The following PDE1C variants were observed in gnomAD, a reference collection of about 807,000 sequenced individuals.
PDE1C encodes the protein dual specificity calcium/calmodulin-dependent 3',5'-cyclic nucleotide phosphodiesterase 1C.
Under a neutral mutation model 93.1 loss-of-function variants are expected in PDE1C, and 62 were observed. The observed-to-expected ratio is 0.67, with a 90% CI of 0.54 to 0.82. PDE1C has a LOEUF of 0.82. Ranked by LOEUF, PDE1C falls within the 40% of genes least tolerant of loss-of-function variation. The probability of loss-of-function intolerance (pLI) is 0.00; values close to 1 mark genes in which losing one functional copy is unlikely to be tolerated. For synonymous variants in PDE1C, 325 were observed against 310.1 expected (o/e 1.05, Z -0.50); for missense variants, 742 against 884.6 (o/e 0.84, Z 2.04).
At chr7:32,103,096 A>G (rs1798116280) in intron 3 of PDE1C, among the ~76,000 whole-genome samples, 1 of 152,190 alleles carries the variant, frequency 6.6e-6, no homozygotes, top group African/African-American at 2.4e-5. Context: ...AATAACATCA[A>G]TTAAGTTCAG....
chr7:32,205,997 G>C (rs919765542), intron 2 of PDE1C, among the ~76,000 whole-genome samples: 1 of 152,186 alleles, frequency 6.6e-6, no homozygotes, highest in Non-Finnish European at 1.5e-5. Context: ...GCGAGACCAA[G>C]AACCCACCAG....
the PDE1C span, among the ~76,000 whole-genome samples, chr7:31,730,008 T>G: frequency 6.6e-6 from 1 of 152,178 alleles, no homozygotes. Context: ...CAAGTTACTC[T>G]ACCTCTCTTA....
intron 2 of PDE1C, among the ~76,000 whole-genome samples, chr7:31,893,292 TC>T (rs1443081012): frequency 1.3e-5 from 2 of 152,186 alleles, no homozygotes; most frequent in Non-Finnish European, 2.9e-5. Context: ...TCAATTTCCT[TC>T]CAACTATACA....
chr7:31,965,141 CAGA>C lies in PDE1C; in HGVS notation c.129-84284_129-84282del, dbSNP rs575418139. On this transcript the variant is annotated intron_variant, in intron 2 of 17. Coordinates refer to ENST00000396191, the MANE Select transcript of PDE1C (RefSeq NM_001191057.4). ...TTGACGAGTTGAGAGAAGAAGGCTT[CAGA>C]AGATCAAACTACTCCGAGCTAAAGG... is the stretch of plus-strand genomic sequence containing the variant. 3.1e-3 allele frequency among the ~76,000 whole-genome samples: 479 copies of C among 152,240 alleles called. 4 individuals carry two copies. Among genetic ancestry groups the C allele is most frequent in the African/African-American group, 0.011 (451 of 41,546 alleles).
At chr7:31,863,321 T>G (rs1198232612) in intron 7 of PDE1C, among the ~76,000 whole-genome samples, 2 of 152,328 alleles carry the variant, frequency 1.3e-5, no homozygotes, top group East Asian at 3.9e-4. Flanking sequence ...TTTTATTTGA[T>G]CTAAAAGGGC....
rs763801947 is a variant in PDE1C at position 32,128,906 on chromosome 7, AATATATATATATATATAT to A, written c.308+40861_308+40878del. Among the ~76,000 whole-genome samples the A allele has an allele frequency of 3.1e-3, 171 of 56,008 alleles. 1 individual carries two copies. Among genetic ancestry groups the A allele is most frequent in the East Asian group, 8.4e-3 (14 of 1,676 alleles). 36.7% of individuals were successfully genotyped at this position (56,008 alleles called of 152,430 possible). ...GTACCCTAGAACTTAAAGTATAACA[AATATATATATATATATAT>A]ATATATATATATATATATATATATA... is the stretch of plus-strand genomic sequence containing the variant. On this transcript the variant is annotated intron_variant, in intron 3 of 18. Coordinates refer to the PDE1C transcript ENST00000396193.
the PDE1C span, among the ~76,000 whole-genome samples, chr7:31,731,609 C>T: frequency 1.3e-5 from 2 of 152,182 alleles, no homozygotes; most frequent in Non-Finnish European, 2.9e-5. Context: ...AGGCTGGTCT[C>T]GAACTCCTGA....
intron 17 of PDE1C, among the ~76,000 whole-genome samples, chr7:31,758,647 GCT>G (rs1253868974): frequency 6.6e-6 from 1 of 152,136 alleles, no homozygotes; most frequent in African/African-American, 2.4e-5. Flanking sequence ...GCAGCAAATG[GCT>G]CTGTTGTTAC....
chr7:32,157,542 G>A (rs1164393976), intron 3 of PDE1C, among the ~76,000 whole-genome samples: 1 of 11,656 alleles, frequency 8.6e-5, no homozygotes, highest in African/African-American at 2.5e-4. Flanking sequence ...CCAGAGTGGA[G>A]CCAGCCAAAA....
At chr7:32,000,855 A>G (rs1186007822) in intron 2 of PDE1C, among the ~76,000 whole-genome samples, 1 of 152,166 alleles carries the variant, frequency 6.6e-6, no homozygotes, top group Admixed American at 6.5e-5. Flanking sequence ...TTTTGAATAT[A>G]TTTTTGCTTT....
chr7:31,976,680 T>C (rs960596356), intron 2 of PDE1C, among the ~76,000 whole-genome samples: 1 of 152,226 alleles, frequency 6.6e-6, no homozygotes, highest in Non-Finnish European at 1.5e-5. Flanking sequence ...ATATGGACAA[T>C]TCCAGCAGCT....
At chr7:31,875,482 C>A (rs1013910053) in intron 5 of PDE1C, among the ~76,000 whole-genome samples, 1 of 152,020 alleles carries the variant, frequency 6.6e-6, no homozygotes, top group Non-Finnish European at 1.5e-5. Context: ...TCCAGAGAAT[C>A]CTGCTGTGGG....
At chr7:32,006,068 C>A (rs1282284697) in intron 2 of PDE1C, among the ~76,000 whole-genome samples, 1 of 152,054 alleles carries the variant, frequency 6.6e-6, no homozygotes, top group East Asian at 1.9e-4. Context: ...AATAATAAGT[C>A]TATTGTTCCT....
intron 3 of PDE1C, 127 bp downstream of exon 3, chr7:31,880,620 A>G: frequency 1.6e-6 from 1 of 619,376 alleles, no homozygotes; most frequent in Admixed American, 2.9e-5. Context: ...TGTTTGTGGA[A>G]ACTAAAACTC....
chr7:32,179,658 A>C (rs1285804558), intron 2 of PDE1C, among the ~76,000 whole-genome samples: 1 of 152,214 alleles, frequency 6.6e-6, no homozygotes, highest in East Asian at 1.9e-4. Context: ...CAAGAAAGCA[A>C]GAAAATGAGA....
chr7:32,021,960 G>C (rs2128614609), intron 2 of PDE1C, among the ~76,000 whole-genome samples: 1 of 152,106 alleles, frequency 6.6e-6, no homozygotes, highest in East Asian at 1.9e-4. Flanking sequence ...TTCTGTCTTA[G>C]GATGTTCTTA....
intron 1 of PDE1C, among the ~76,000 whole-genome samples, chr7:32,418,117 G>C (rs1307292358): frequency 6.6e-6 from 1 of 152,156 alleles, no homozygotes; most frequent in East Asian, 1.9e-4. Context: ...GCCTCCCAAA[G>C]TGCTGGGACT....
intron 1 of PDE1C, among the ~76,000 whole-genome samples, chr7:32,336,313 T>C (rs1211657467): frequency 1.3e-5 from 2 of 152,200 alleles, no homozygotes; most frequent in East Asian, 1.9e-4. Flanking sequence ...CAAACTATCA[T>C]GCCCACTGCC....
Position 32,269,308 on chromosome 7 carries a change from C to T in PDE1C, c.85+29343G>A, listed in dbSNP as rs75982395. On this transcript the variant is annotated intron_variant, in intron 1 of 18. Coordinates refer to the PDE1C transcript ENST00000396193. ...GCTTCTAGGTGAGACCAGTATCCAC[C>T]GACCACATTTATGAGTAGCAAAACC... 9.4e-3 allele frequency among the ~76,000 whole-genome samples: 1,431 copies of T among 152,098 alleles called. 12 individuals are homozygous for T. Among genetic ancestry groups the T allele is most frequent in the South Asian group, 0.023 (110 of 4,812 alleles).
Sources: allele counts gnomAD v4.1 joint callset (sites outside exome capture counted in the v4.1 genomes callset), GRCh38; gene constraint gnomAD v4.1.1; transcripts MANE v1.5; gene names NCBI Gene and HGNC (gene_info 2026-07-23, HGNC 2026-07-21).